The following PTPRM variants were observed in gnomAD, a reference collection of about 807,000 sequenced individuals.
The protein encoded by PTPRM is protein tyrosine phosphatase receptor type M, also known as receptor-type tyrosine-protein phosphatase mu.
Under a neutral mutation model 186.7 loss-of-function variants are expected in PTPRM, and 47 were observed. The ratio of observed to expected loss-of-function variants is 0.25; its 90% CI spans 0.20 to 0.32. The LOEUF (loss-of-function observed/expected upper bound fraction) is 0.32, where lower values mean the gene tolerates loss of function less well. PTPRM is among the 10% of genes least tolerant of loss of function. The probability of loss-of-function intolerance (pLI) is 1.00; values close to 1 mark genes in which losing one functional copy is unlikely to be tolerated. For missense variants in PTPRM, 1,494 were observed against 1,865.0 expected, an observed-to-expected ratio of 0.80 and a Z score of 3.66; for synonymous variants, 668 against 674.9, an observed-to-expected ratio of 0.99 and a Z score of 0.16.
intron 2 of PTPRM, among the ~76,000 whole-genome samples, chr18:7,884,609 A>G (rs2048674873): frequency 6.6e-6 from 1 of 152,130 alleles, no homozygotes; most frequent in African/African-American, 2.4e-5. Context: ...CATGAATTTC[A>G]CAAAATCACA....
At chr18:7,843,850 A>T (rs994557265) in intron 2 of PTPRM, among the ~76,000 whole-genome samples, 1 of 152,192 alleles carries the variant, frequency 6.6e-6, no homozygotes. Context: ...TAGAGGTCTC[A>T]AGTACCAGGG....
chr18:8,380,027 G>A (rs2095722310), intron 28 of PTPRM, among the ~76,000 whole-genome samples: 2 of 152,160 alleles, frequency 1.3e-5, no homozygotes, highest in Non-Finnish European at 2.9e-5. Context: ...GTATAGATTC[G>A]ATATTGCCTC....
At chr18:8,121,974 G>T (rs2092191029) in intron 13 of PTPRM, 1 of 151,974 alleles carries the variant, frequency 6.6e-6, no homozygotes, top group African/African-American at 2.4e-5. Context: ...TTCTTCAGTT[G>T]ATCTATCCAA....
chr18:7,784,109 G>A (rs1170803157), intron 2 of PTPRM, among the ~76,000 whole-genome samples: 1 of 151,984 alleles, frequency 6.6e-6, no homozygotes, highest in African/African-American at 2.4e-5. Context: ...GCCTGTGGGG[G>A]ATCATTACAG....
intron 1 of PTPRM, among the ~76,000 whole-genome samples, chr18:7,704,382 C>T (rs2144731049): frequency 6.6e-6 from 1 of 152,252 alleles, no homozygotes; most frequent in East Asian, 1.9e-4. Flanking sequence ...GATTCGACTT[C>T]TTCCTGGTTT....
chr18:7,639,586 C>T (rs984736590), intron 1 of PTPRM, among the ~76,000 whole-genome samples: 4 of 151,006 alleles, frequency 2.6e-5, no homozygotes, highest in South Asian at 2.1e-4. Flanking sequence ...GGGGTTTCAC[C>T]GTGTTGGCTG....
At chr18:8,243,967 G>A in intron 14 of PTPRM, 91 bp from the exon 15 acceptor site, 1 of 1,259,414 alleles carries the variant, frequency 7.9e-7, no homozygotes, top group Admixed American at 2.4e-5. Flanking sequence ...TAATTCAGTA[G>A]ATGTTATTCC....
chr18:8,248,679 C>T (rs2094499708), intron 17 of PTPRM, among the ~76,000 whole-genome samples: 1 of 152,092 alleles, frequency 6.6e-6, no homozygotes, highest in African/African-American at 2.4e-5. Context: ...GACTTCTGGC[C>T]CTCTACCCAT....
At chr18:8,079,279 C>G (rs771432869) in intron 9 of PTPRM, among the ~76,000 whole-genome samples, 3 of 152,130 alleles carry the variant, frequency 2.0e-5, no homozygotes, top group African/African-American at 7.2e-5. Flanking sequence ...TTACCCTCCA[C>G]CTCAGTCATT....
chr18:7,664,232 G>A (rs2039044087), intron 1 of PTPRM, among the ~76,000 whole-genome samples: 1 of 152,242 alleles, frequency 6.6e-6, no homozygotes. Context: ...GTGTGGAGGA[G>A]CCAGGGTGGG....
At chr18:8,033,377 T>C (rs2086118966) in intron 7 of PTPRM, among the ~76,000 whole-genome samples, 1 of 152,170 alleles carries the variant, frequency 6.6e-6, no homozygotes, top group South Asian at 2.1e-4. Flanking sequence ...TATACAGTCA[T>C]GTGTCACTCA....
intron 19 of PTPRM, among the ~76,000 whole-genome samples, chr18:8,282,062 T>A (rs1182866638): frequency 6.6e-6 from 1 of 151,972 alleles, no homozygotes; most frequent in Non-Finnish European, 1.5e-5. Context: ...ATCTAAAAAA[T>A]ATAAAGAATT....
At position 8,238,745 on chromosome 18, in the gene PTPRM, T is replaced by C. The variant is rs552839517; in HGVS notation, c.2301-5313T>C. On this transcript the variant is annotated intron_variant, in intron 14 of 32. Transcript: ENST00000580170. Reference sequence around the variant, plus strand: ...TGTGGTAAATAGGCCTTTAGTAACATGGTGTAAGGTGTGGGGGGAGGGGAG... The same window carrying C: ...TGTGGTAAATAGGCCTTTAGTAACACGGTGTAAGGTGTGGGGGGAGGGGAG... 4.3e-5 allele frequency among the ~76,000 whole-genome samples: 6 copies of C among 138,700 alleles called. No homozygotes were observed. The East Asian group carries it at 1.5e-3, about 35-fold the overall frequency. 91.0% of individuals were successfully genotyped at this position (138,700 alleles called of 152,430 possible).
At chr18:8,018,929 A>G (rs1372054105) in intron 7 of PTPRM, among the ~76,000 whole-genome samples, 2 of 152,198 alleles carry the variant, frequency 1.3e-5, no homozygotes, top group Non-Finnish European at 2.9e-5. Context: ...GCTGCCACAC[A>G]CTTGCTGACA....
intron 1 of PTPRM, among the ~76,000 whole-genome samples, chr18:7,581,874 A>G (rs2036855167): frequency 6.6e-6 from 1 of 152,020 alleles, no homozygotes. Flanking sequence ...TGCCCAGACT[A>G]GTCTCAAGCT....
chr18:7,757,639 A>G (rs1346313563), intron 1 of PTPRM, among the ~76,000 whole-genome samples: 2 of 152,188 alleles, frequency 1.3e-5, no homozygotes, highest in East Asian at 1.9e-4. Context: ...AAGGGGCACA[A>G]TCTCGTACGT....
chr18:7,979,414 A>G (rs1413638168), intron 7 of PTPRM, among the ~76,000 whole-genome samples: 1 of 152,184 alleles, frequency 6.6e-6, no homozygotes, highest in African/African-American at 2.4e-5. Context: ...ACCTTTGGAA[A>G]CATTTTTTGA....
rs191670336 is a variant in PTPRM at position 7,629,051 on chromosome 18, T to C, written c.73+61160T>C. 6.5e-3 allele frequency among the ~76,000 whole-genome samples: 984 copies of C among 152,314 alleles called. 3 individuals carry two copies. Among genetic ancestry groups the C allele is most frequent in the Non-Finnish European group, 9.3e-3 (634 of 68,030 alleles). On this transcript the variant is annotated intron_variant, in intron 1 of 32. Coordinates refer to ENST00000580170, the MANE Select transcript of PTPRM (RefSeq NM_001105244.2). ...CACTGAGAAGTATCATGGAACCACT[T>C]ACACTGATATTACGAAGTATGCTTC...
chr18:8,013,874 G>C (rs1489877002), intron 7 of PTPRM, among the ~76,000 whole-genome samples: 2 of 152,108 alleles, frequency 1.3e-5, no homozygotes, highest in African/African-American at 2.4e-5. Flanking sequence ...ATACTTCTTA[G>C]CATTAAGAAT....
Sources: gnomAD v4.1 joint callset for allele counts (sites outside exome capture counted in the v4.1 genomes callset) on GRCh38, gnomAD v4.1.1 for gene constraint, MANE v1.5 for transcripts, NCBI Gene and HGNC (gene_info 2026-07-23, HGNC 2026-07-21) for gene names.